Variants in PIP5K1C observed in about 807,000 individuals in gnomAD.
PIP5K1C encodes the protein phosphatidylinositol 4-phosphate 5-kinase type-1 gamma.
PIP5K1C carries 45 observed loss-of-function variants against 80.1 expected under a neutral mutation model. The observed-to-expected ratio is 0.56, with a 90% confidence interval of 0.44 to 0.72. The LOEUF (loss-of-function observed/expected upper bound fraction) is 0.72. Ranked by LOEUF, PIP5K1C falls within the 30% of genes least tolerant of loss-of-function variation. The pLI is 0.00. For missense variants in PIP5K1C, 753 were observed against 954.6 expected (o/e 0.79, Z 2.78); for synonymous variants, 498 against 420.1 (o/e 1.19, Z -2.27).
chr19:3,637,469 C>G lies in PIP5K1C; in HGVS notation c.1920+1415G>C, dbSNP rs1356518442. ...AGACACTGAGCTTCCGGCCGGGGAC[C>G]TGCGGCTCCCTGCTGCCCGAGGGGC... On this transcript the variant is annotated intron_variant, in intron 16 of 17. Transcript: ENST00000335312. This position sits in a 1 kb window ranked among gnomAD's most constrained non-coding sequence, Gnocchi z 7.0. The G allele has an allele frequency of 6.5e-6, 10 of 1,535,702 alleles. No homozygotes were observed. The highest frequency in any genetic ancestry group is 7.8e-6 in the Non-Finnish European group (9 of 1,146,792).
At chr19:3,645,865 T>C in intron 11 of PIP5K1C, 109 bp downstream of exon 11, 1 of 836,508 alleles carries the variant, frequency 1.2e-6, no homozygotes, top group Non-Finnish European at 2.1e-6. Context: ...GCTCTGAGTT[T>C]ACTGCCCTGC....
At chr19:3,656,180 G>T (rs1555721688) in intron 6 of PIP5K1C, among the ~76,000 whole-genome samples, 1 of 152,184 alleles carries the variant, frequency 6.6e-6, no homozygotes, top group Non-Finnish European at 1.5e-5. Context: ...CCCGGGGACG[G>T]CCCCCAAGGC....
At chr19:3,633,838 C>T (rs934184639) in intron 16 of PIP5K1C, among the ~76,000 whole-genome samples, 2 of 152,082 alleles carry the variant, frequency 1.3e-5, no homozygotes, top group African/African-American at 4.8e-5. Flanking sequence ...CCTGGAGCAC[C>T]GAGTGTTCCT....
intron 1 of PIP5K1C, among the ~76,000 whole-genome samples, chr19:3,686,951 G>A (rs1407631775): frequency 6.6e-6 from 1 of 152,044 alleles, no homozygotes; most frequent in Non-Finnish European, 1.5e-5. Flanking sequence ...CCAGCACTTT[G>A]GGAGGCCGAG....
At chr19:3,679,484 G>C (rs1048774395) in intron 1 of PIP5K1C, among the ~76,000 whole-genome samples, 1 of 152,222 alleles carries the variant, frequency 6.6e-6, no homozygotes, top group Non-Finnish European at 1.5e-5. Context: ...CTGCACATCA[G>C]TTGGGACTGA....
chr19:3,656,257 C>T (rs1677637292), intron 6 of PIP5K1C, 148 bp downstream of exon 6: 1 of 814,966 alleles, frequency 1.2e-6, no homozygotes, highest in Non-Finnish European at 2.0e-6. Context: ...GACGGGGGAC[C>T]CCCGAGGGTG....
Position 3,700,313 on chromosome 19 carries a change from C to T in PIP5K1C, c.78G>A (p.Glu26=). Residue 26 remains glutamate, a synonymous_variant, in exon 1 of 18, where the codon GAG becomes GAA. Coordinates refer to ENST00000335312, the MANE Select transcript of PIP5K1C (RefSeq NM_012398.3). ...AVPSEAAWAA[E]SGAAAGLAQK... is the part of the protein sequence containing the mutation. ...GGCCGTTACCTGCCGCCGCCCCGCT[C>T]TCTGCCGCCCACGCCGCCTCCGAGG... 1 of 1,290,618 alleles carries T rather than the reference C, an allele frequency of 7.7e-7. No homozygotes were observed. The highest frequency in any genetic ancestry group is 1.0e-6 in the Non-Finnish European group (1 of 1,002,590). 79.9% of individuals were successfully genotyped at this position (1,290,618 alleles called of 1,614,324 possible). A position where few individuals can be genotyped will look rare whatever the true frequency, so the allele number is the denominator to read the frequency against.
chr19:3,644,169 C>G lies in PIP5K1C; in HGVS notation c.1428G>C (p.Ser476=), dbSNP rs770029124. 6.2e-7 allele frequency: 1 copy of G among 1,612,302 alleles called. No homozygotes were observed. Among genetic ancestry groups the G allele is most frequent in the East Asian group, 2.2e-5 (1 of 44,868 alleles). ...CCCGCTCGCTAGGGATCTGGCTGGC[C>G]GAGAAGGCAGCGGTGGGCCCCAGCG... ...VKPLGPTAAF[S]ASQIPSEREE... The change falls in exon 12 of 18, where the codon TCG becomes TCC. Residue 476 remains serine (S), a synonymous_variant. Transcript: ENST00000335312.
At chr19:3,633,362 C>A in intron 17 of PIP5K1C, 75 bp downstream of exon 17, 1 of 1,197,752 alleles carries the variant, frequency 8.3e-7, no homozygotes, top group East Asian at 2.5e-5. Flanking sequence ...CCCTGCCTAT[C>A]CCAGTAGCTG....
chr19:3,680,568 C>T (rs905771301), intron 1 of PIP5K1C, among the ~76,000 whole-genome samples: 6 of 152,230 alleles, frequency 3.9e-5, no homozygotes, highest in African/African-American at 1.4e-4. Flanking sequence ...TCCCAAAGTG[C>T]TGGGATGACA....
chr19:3,691,595 C>G (rs73919313), intron 1 of PIP5K1C, among the ~76,000 whole-genome samples: 1 of 118,612 alleles, frequency 8.4e-6, no homozygotes, highest in South Asian at 2.8e-4. Context: ...AGCCCATCTA[C>G]CCCGCCTGGC....
At chr19:3,695,748 G>C (rs1357013360) in intron 1 of PIP5K1C, among the ~76,000 whole-genome samples, 1 of 82,150 alleles carries the variant, frequency 1.2e-5, no homozygotes, top group African/African-American at 5.2e-5. Flanking sequence ...TTTTTTTTTT[G>C]AGATACGATT....
Position 3,638,897 on chromosome 19 carries a change from G to A in PIP5K1C, c.1907C>T (p.Thr636Ile). 1 of 1,613,068 alleles carries A rather than the reference G, an allele frequency of 6.2e-7. No homozygotes were observed. Among genetic ancestry groups the A allele is most frequent in the South Asian group, 1.1e-5 (1 of 91,078 alleles). The change falls in exon 16 of 18, where the codon ACC (threonine) becomes ATC (isoleucine). Residue 636 changes from threonine to isoleucine, a missense_variant. This residue lies in a region of PIP5K1C where 315 missense variants were observed against 294.5 expected (regional missense o/e 1.07). Coordinates refer to ENST00000335312, the MANE Select transcript of PIP5K1C (RefSeq NM_012398.3). ...QASDEEDAPA[T>I]DIYFPTDERS... ...CGGGGCACTTACAAAGTAGATGTCGGTGGCGGGCGCGTCCTCCTCGTCCGA... is the reference window on the plus strand; with the variant it reads ...CGGGGCACTTACAAAGTAGATGTCGATGGCGGGCGCGTCCTCCTCGTCCGA...
At chr19:3,675,324 T>C (rs959933059) in intron 1 of PIP5K1C, among the ~76,000 whole-genome samples, 1 of 152,240 alleles carries the variant, frequency 6.6e-6, no homozygotes, top group East Asian at 1.9e-4. Flanking sequence ...ACATACACCA[T>C]CTGGAACCTT....
At chr19:3,650,808 G>A (rs1242431293) in intron 8 of PIP5K1C, among the ~76,000 whole-genome samples, 1 of 152,040 alleles carries the variant, frequency 6.6e-6, no homozygotes, top group African/African-American at 2.4e-5. Context: ...CCAGGCTGGA[G>A]TGCAATAGCT....
Position 3,692,529 on chromosome 19 carries a change from G to A in PIP5K1C, c.94+7768C>T, listed in dbSNP as rs1047139969. 2.6e-5 allele frequency among the ~76,000 whole-genome samples: 4 copies of A among 152,108 alleles called. No homozygotes were observed. Among genetic ancestry groups the A allele is most frequent in the Non-Finnish European group, 5.9e-5 (4 of 68,006 alleles). ...ACTCAACCTTCAAAAGGTCCTGCTG[G>A]CTCTGCTTCCAAAATCCATCCCAGA... is the stretch of plus-strand genomic sequence containing the variant. On this transcript the variant is annotated intron_variant, in intron 1 of 17. Transcript: ENST00000335312. The surrounding 1 kb of genome is among the most constrained non-coding windows in gnomAD (Gnocchi z 5.2).
chr19:3,657,390 A>G (rs1403381754), intron 5 of PIP5K1C, among the ~76,000 whole-genome samples: 1 of 152,216 alleles, frequency 6.6e-6, no homozygotes, highest in African/African-American at 2.4e-5. Context: ...TGAAGTGTGC[A>G]TGGGGCTAAG....
intron 16 of PIP5K1C, 47 bp from the exon 17 acceptor site, chr19:3,633,567 G>A (rs369973110): frequency 6.0e-5 from 80 of 1,324,834 alleles, no homozygotes; most frequent in East Asian, 1.3e-4. Flanking sequence ...AGCAGGGTGC[G>A]AGGAGGTGCA....
intron 1 of PIP5K1C, among the ~76,000 whole-genome samples, chr19:3,677,440 G>A (rs1163489183): frequency 4.0e-5 from 6 of 151,782 alleles, no homozygotes; most frequent in Admixed American, 1.3e-4. Context: ...AAAATTAGGC[G>A]GGTGTGGTGG....
Sources: allele counts gnomAD v4.1 joint callset (sites outside exome capture counted in the v4.1 genomes callset), GRCh38; gene constraint gnomAD v4.1.1; regional missense constraint gnomAD v4.1.1; non-coding constraint Gnocchi (gnomAD v3.1); transcripts MANE v1.5; gene names NCBI Gene and HGNC (gene_info 2026-07-23, HGNC 2026-07-21).